Variants in CSMD1 observed in about 807,000 individuals in gnomAD.
The protein encoded by CSMD1 is CUB and sushi domain-containing protein 1.
A neutral mutation model predicts 417.5 loss-of-function variants in CSMD1; 213 were observed. That is an observed-to-expected ratio of 0.51 (90% CI 0.46 to 0.57). CSMD1 has a LOEUF of 0.57. Among genes scored for constraint, CSMD1 ranks in the 20% least tolerant of loss-of-function variants. The pLI, the probability that CSMD1 is intolerant of heterozygous loss-of-function variation, is 0.00. For missense variants in CSMD1, 6,923 were observed against 4,529.7 expected (o/e 1.53, Z -15.17); for synonymous variants, 2,862 against 1,736.8 (o/e 1.65, Z -16.11).
chr8:3,973,999 C>T (rs1042025174), intron 5 of CSMD1, among the ~76,000 whole-genome samples: 4 of 152,152 alleles, frequency 2.6e-5, no homozygotes, highest in African/African-American at 7.2e-5. Flanking sequence ...GCAAACAATG[C>T]AATTACACTC....
At chr8:4,141,642 GT>G (rs1282056067) in intron 3 of CSMD1, among the ~76,000 whole-genome samples, 1 of 133,408 alleles carries the variant, frequency 7.5e-6, no homozygotes, top group African/African-American at 2.5e-5. Flanking sequence ...TAATTCACAA[GT>G]TTTTTAAATC....
chr8:4,400,343 A>G (rs1804562215), intron 3 of CSMD1, among the ~76,000 whole-genome samples: 1 of 152,228 alleles, frequency 6.6e-6, no homozygotes, highest in Non-Finnish European at 1.5e-5. Flanking sequence ...TGTGTGTGTT[A>G]TAAATTGTCA....
chr8:4,392,192 G>T (rs1563125410), intron 3 of CSMD1, among the ~76,000 whole-genome samples: 1 of 152,158 alleles, frequency 6.6e-6, no homozygotes, highest in Non-Finnish European at 1.5e-5. Flanking sequence ...TAAGTCTTGA[G>T]GTTGCTTTTT....
intron 17 of CSMD1, among the ~76,000 whole-genome samples, chr8:3,391,387 A>G (rs75363652): frequency 1.3e-5 from 2 of 152,210 alleles, no homozygotes; most frequent in African/African-American, 4.8e-5. Flanking sequence ...AAACCTTCAT[A>G]CCCTTGAGAA....
chr8:4,072,167 C>G (rs1370521992), intron 3 of CSMD1, among the ~76,000 whole-genome samples: 1 of 152,192 alleles, frequency 6.6e-6, no homozygotes, highest in Non-Finnish European at 1.5e-5. Context: ...CTTTCTAGTG[C>G]TACTAGTTTC....
intron 3 of CSMD1, among the ~76,000 whole-genome samples, chr8:4,384,578 T>C (rs1161870870): frequency 6.6e-6 from 1 of 152,218 alleles, no homozygotes; most frequent in Non-Finnish European, 1.5e-5. Context: ...GCAATGCTAC[T>C]TAGAAAAGGC....
At chr8:3,349,433 G>C (rs189876728) in intron 21 of CSMD1, among the ~76,000 whole-genome samples, 226 of 152,052 alleles carry the variant, frequency 1.5e-3, no homozygotes, top group African/African-American at 5.2e-3. Flanking sequence ...CATGTGGAAG[G>C]GTGTGAGGAG....
chr8:4,279,779 G>A (rs896276556), intron 3 of CSMD1, among the ~76,000 whole-genome samples: 3 of 152,210 alleles, frequency 2.0e-5, no homozygotes, highest in Non-Finnish European at 4.4e-5. Context: ...GTAAGATATG[G>A]AGGAGGCCAG....
intron 12 of CSMD1, among the ~76,000 whole-genome samples, chr8:3,436,025 G>A (rs1328236510): frequency 6.6e-6 from 1 of 152,058 alleles, no homozygotes; most frequent in Non-Finnish European, 1.5e-5. Flanking sequence ...TACCCAGGTG[G>A]GCAGCTCCCC....
intron 1 of CSMD1, among the ~76,000 whole-genome samples, chr8:4,873,935 GA>G (rs1331959955): frequency 1.3e-5 from 2 of 152,054 alleles, no homozygotes; most frequent in African/African-American, 2.4e-5. Context: ...TATGGAAGGG[GA>G]AAAAAAGCAA....
At chr8:4,301,269 C>G (rs11136719) in intron 3 of CSMD1, among the ~76,000 whole-genome samples, 111,753 of 152,070 alleles carry the variant, frequency 0.73, 41,212 homozygotes, top group East Asian at 0.84. Context: ...TGGCCCTCCA[C>G]AAAGTCAACA....
At chr8:3,810,676 G>C (rs146504675) in intron 5 of CSMD1, among the ~76,000 whole-genome samples, 1 of 152,162 alleles carries the variant, frequency 6.6e-6, no homozygotes, top group Admixed American at 6.5e-5. Flanking sequence ...GCTTTTCTGG[G>C]ATAGAATAGA....
intron 26 of CSMD1, among the ~76,000 whole-genome samples, chr8:3,262,243 T>TCACA (rs1801136564): frequency 1.0e-5 from 1 of 95,824 alleles, no homozygotes; most frequent in African/African-American, 4.2e-5. Context: ...ACACACATAG[T>TCACA]TAATTTCAAA....
chr8:4,640,962 G>C (rs572868151), intron 1 of CSMD1, among the ~76,000 whole-genome samples: 3 of 150,934 alleles, frequency 2.0e-5, no homozygotes, highest in African/African-American at 4.9e-5. Context: ...AATATCAATG[G>C]TAAAAAAGAA....
chr8:4,114,765 A>C (rs183448828), intron 3 of CSMD1, among the ~76,000 whole-genome samples: 1 of 152,332 alleles, frequency 6.6e-6, no homozygotes, highest in East Asian at 1.9e-4. Context: ...TCAAGAATAT[A>C]ATAAGACTTC....
At chr8:3,848,081 C>CTT (rs1803634963) in intron 5 of CSMD1, among the ~76,000 whole-genome samples, 1 of 142,108 alleles carries the variant, frequency 7.0e-6, no homozygotes, top group Non-Finnish European at 1.6e-5. Flanking sequence ...CTCTCTCTCT[C>CTT]TCTCTCTCTA....
intron 1 of CSMD1, among the ~76,000 whole-genome samples, chr8:4,694,416 A>C (rs1806981942): frequency 6.6e-6 from 1 of 151,738 alleles, no homozygotes; most frequent in African/African-American, 2.4e-5. Flanking sequence ...CAGTCGTGTG[A>C]TCTTGGGTCA....
At chr8:3,886,556 A>C (rs781512157) in intron 5 of CSMD1, among the ~76,000 whole-genome samples, 15 of 152,214 alleles carry the variant, frequency 9.9e-5, no homozygotes, top group Non-Finnish European at 2.1e-4. Flanking sequence ...TTTAATGACG[A>C]AGCGTGGCTG....
chr8:4,686,620 T>A (rs1382245), intron 1 of CSMD1, among the ~76,000 whole-genome samples: 57 of 152,144 alleles, frequency 3.7e-4, no homozygotes, highest in African/African-American at 1.2e-3. Flanking sequence ...TCTGGCTACC[T>A]CTTCATCAAA....
Sources: allele counts gnomAD v4.1 joint callset (sites outside exome capture counted in the v4.1 genomes callset), GRCh38; gene constraint gnomAD v4.1.1; transcripts MANE v1.5; gene names NCBI Gene and HGNC (gene_info 2026-07-23, HGNC 2026-07-21).